Variants in MYO1E observed in about 807,000 individuals in gnomAD.
MYO1E encodes myosin IE, also known as unconventional myosin-Ie.
A neutral mutation model predicts 151.1 loss-of-function variants in MYO1E; 68 were observed. That is an observed-to-expected ratio of 0.45 (90% CI 0.37 to 0.55). MYO1E has a LOEUF of 0.55. MYO1E is among the 20% of genes least tolerant of loss of function. MYO1E has a pLI of 0.00. For missense variants in MYO1E, 1,363 were observed against 1,389.3 expected (o/e 0.98, Z 0.30); for synonymous variants, 601 against 501.7 (o/e 1.20, Z -2.64).
intron 1 of MYO1E, among the ~76,000 whole-genome samples, chr15:59,297,023 T>G (rs1361462526): frequency 2.3e-5 from 1 of 43,422 alleles, no homozygotes; most frequent in Non-Finnish European, 6.3e-5. Context: ...GGCTAATTTT[T>G]TGTGTTTTTT....
intron 10 of MYO1E, among the ~76,000 whole-genome samples, chr15:59,215,378 C>T (rs2079907033): frequency 6.6e-6 from 1 of 152,126 alleles, no homozygotes; most frequent in Admixed American, 6.6e-5. Context: ...CCCAATTTTC[C>T]ACATGGATAC....
intron 1 of MYO1E, among the ~76,000 whole-genome samples, chr15:59,313,012 C>G (rs1335274029): frequency 6.6e-6 from 1 of 152,164 alleles, no homozygotes; most frequent in Non-Finnish European, 1.5e-5. Context: ...TGGGCCCCAC[C>G]CTAAACCTGC....
intron 5 of MYO1E, among the ~76,000 whole-genome samples, chr15:59,234,103 A>G (rs1453529580): frequency 6.6e-6 from 1 of 152,064 alleles, no homozygotes; most frequent in Non-Finnish European, 1.5e-5. Flanking sequence ...TCATTCAGAG[A>G]AAGAGGCCAC....
intron 1 of MYO1E, among the ~76,000 whole-genome samples, chr15:59,320,179 A>G (rs1196751179): frequency 6.6e-6 from 1 of 152,196 alleles, no homozygotes; most frequent in Non-Finnish European, 1.5e-5. Flanking sequence ...GATGACACAA[A>G]CGAATGGAAA....
At chr15:59,258,982 A>G (rs1278262508) in intron 3 of MYO1E, among the ~76,000 whole-genome samples, 1 of 151,138 alleles carries the variant, frequency 6.6e-6, no homozygotes, top group African/African-American at 2.4e-5. Context: ...TTTTAAATAG[A>G]GACAGGGTCT....
chr15:59,364,771 A>G (rs2080903862), intron 1 of MYO1E, among the ~76,000 whole-genome samples: 1 of 151,932 alleles, frequency 6.6e-6, no homozygotes, highest in South Asian at 2.1e-4. Flanking sequence ...CGGGCATGGT[A>G]GTGTGTACCT....
At chr15:59,218,386 A>G (rs563141136) in intron 9 of MYO1E, 3 of 511,156 alleles carry the variant, frequency 5.9e-6, no homozygotes, top group Non-Finnish European at 1.1e-5. Context: ...TCCTACTGAG[A>G]TCACAGTCAA....
At chr15:59,243,582 A>G (rs537217058) in intron 4 of MYO1E, among the ~76,000 whole-genome samples, 4 of 152,262 alleles carry the variant, frequency 2.6e-5, no homozygotes, top group African/African-American at 9.6e-5. Context: ...TGCTCAGAGG[A>G]CGGTAAACCT....
intron 6 of MYO1E, among the ~76,000 whole-genome samples, chr15:59,230,081 C>G (rs1361287944): frequency 6.6e-6 from 1 of 152,130 alleles, no homozygotes; most frequent in Non-Finnish European, 1.5e-5. Context: ...TGTGTCAGTT[C>G]TCAACCAATA....
At chr15:59,300,582 C>T (rs891053344) in intron 1 of MYO1E, among the ~76,000 whole-genome samples, 3 of 152,174 alleles carry the variant, frequency 2.0e-5, no homozygotes, top group Non-Finnish European at 2.9e-5. Context: ...CTTTTTGAAA[C>T]CTGGAAGTGG....
At chr15:59,360,847 T>C (rs950189899) in intron 1 of MYO1E, among the ~76,000 whole-genome samples, 3 of 152,164 alleles carry the variant, frequency 2.0e-5, no homozygotes, top group Non-Finnish European at 4.4e-5. Flanking sequence ...TGCCTCCAAG[T>C]ATTCCCGCAA....
chr15:59,169,244 C>A (rs1384451314), intron 22 of MYO1E, among the ~76,000 whole-genome samples: 1 of 152,224 alleles, frequency 6.6e-6, no homozygotes, highest in Non-Finnish European at 1.5e-5. Flanking sequence ...ACTGGTCAAT[C>A]TCAGAAATTC....
In MYO1E at chr15:59,308,469, C is replaced by A. The variant is rs564822432; in HGVS notation, c.4-36020G>T. Among the ~76,000 whole-genome samples, 212 of 151,884 alleles carry A rather than the reference C, an allele frequency of 1.4e-3. No homozygotes were observed. In the Middle Eastern group the frequency reaches 0.017, roughly 12 times the overall value. ...GGTGGATCACCTGAGGTCAGCAGTT[C>A]GAAACCAGCCTGGCCAACATAGCAA... is the stretch of plus-strand genomic sequence containing the variant. On this transcript the variant is annotated intron_variant, in intron 1 of 27. Coordinates refer to ENST00000288235, the MANE Select transcript of MYO1E (RefSeq NM_004998.4).
intron 1 of MYO1E, among the ~76,000 whole-genome samples, chr15:59,371,429 T>C (rs1477022613): frequency 1.2e-5 from 1 of 84,290 alleles, no homozygotes; most frequent in South Asian, 5.2e-4. Flanking sequence ...TGAAGCCTTG[T>C]AATAGATTTT....
At chr15:59,230,468 G>T (rs1198333375) in intron 6 of MYO1E, among the ~76,000 whole-genome samples, 6 of 151,672 alleles carry the variant, frequency 4.0e-5, no homozygotes, top group Admixed American at 2.0e-4. Context: ...CCAAGACAGG[G>T]GAAAAGGTAA....
intron 5 of MYO1E, among the ~76,000 whole-genome samples, chr15:59,233,776 G>T (rs1231508782): frequency 6.7e-6 from 1 of 149,106 alleles, no homozygotes; most frequent in Admixed American, 6.7e-5. Context: ...CAAGTGGACT[G>T]AACCACATGA....
intron 4 of MYO1E, among the ~76,000 whole-genome samples, chr15:59,244,220 T>G (rs991802327): frequency 1.1e-4 from 17 of 152,342 alleles, no homozygotes; most frequent in African/African-American, 4.1e-4. Flanking sequence ...TCACCTACTC[T>G]GCCAAGAATA....
At chr15:59,268,322 T>C (rs1196966757) in intron 2 of MYO1E, among the ~76,000 whole-genome samples, 1 of 152,210 alleles carries the variant, frequency 6.6e-6, no homozygotes. Flanking sequence ...GCTTCCCATA[T>C]ATTCAGTGGG....
At chr15:59,287,256 G>A (rs542625593) in intron 1 of MYO1E, among the ~76,000 whole-genome samples, 3 of 152,264 alleles carry the variant, frequency 2.0e-5, no homozygotes, top group Non-Finnish European at 4.4e-5. Context: ...CTTGTCTCTC[G>A]GAACCCACAC....
Sources: gnomAD v4.1 joint callset for allele counts (sites outside exome capture counted in the v4.1 genomes callset) on GRCh38, gnomAD v4.1.1 for gene constraint, MANE v1.5 for transcripts, NCBI Gene and HGNC (gene_info 2026-07-23, HGNC 2026-07-21) for gene names.